Variants in MOXD1 observed in about 807,000 individuals in gnomAD.
The protein encoded by MOXD1 is monooxygenase DBH like 1, also known as DBH-like monooxygenase protein 1.
In MOXD1, 62 loss-of-function variants were observed where a neutral mutation model predicts 66.6. The ratio of observed to expected loss-of-function variants is 0.93; its 90% confidence interval spans 0.76 to 1.15. The LOEUF is 1.15. MOXD1 is among the 50% of genes most tolerant of loss of function. MOXD1 has a pLI of 0.00. For synonymous variants in MOXD1, 303 were observed against 281.9 expected, an observed-to-expected ratio of 1.07 and a Z score of -0.75; for missense variants, 847 against 754.6, an observed-to-expected ratio of 1.12 and a Z score of -1.44.
chr6:132,339,336 T>C (rs1775502547), intron 4 of MOXD1, among the ~76,000 whole-genome samples: 1 of 152,236 alleles, frequency 6.6e-6, no homozygotes, highest in African/African-American at 2.4e-5. Context: ...GATGTTCCTA[T>C]GAATGAATGT....
intron 4 of MOXD1, among the ~76,000 whole-genome samples, chr6:132,330,375 A>T (rs1457744990): frequency 6.6e-6 from 1 of 152,170 alleles, no homozygotes; most frequent in African/African-American, 2.4e-5. Flanking sequence ...TGTGCATGTG[A>T]GAGATCTAGG....
intron 4 of MOXD1, among the ~76,000 whole-genome samples, chr6:132,331,043 A>G (rs1218743789): frequency 6.6e-6 from 1 of 152,142 alleles, no homozygotes; most frequent in Non-Finnish European, 1.5e-5. Context: ...AAACTTTTCT[A>G]TTTTGCTTGA....
intron 4 of MOXD1, among the ~76,000 whole-genome samples, chr6:132,356,013 C>T (rs1024441844): frequency 6.6e-6 from 1 of 152,164 alleles, no homozygotes; most frequent in Non-Finnish European, 1.5e-5. Context: ...TGTCTACCTA[C>T]AAAAAATTCA....
chr6:132,314,052 A>G (rs918726379), intron 10 of MOXD1, among the ~76,000 whole-genome samples: 2 of 152,242 alleles, frequency 1.3e-5, no homozygotes, highest in African/African-American at 4.8e-5. Flanking sequence ...AAATTCAGCC[A>G]TCCCCAAATT....
Position 132,391,246 on chromosome 6 carries a change from A to G in MOXD1, c.264+9917T>C, listed in dbSNP as rs1776754514. The G allele has an allele frequency of 1.4e-5, 2 of 147,816 alleles. 1 individual carries two copies. The highest frequency in any genetic ancestry group is 3.1e-5 in the Non-Finnish European group (2 of 65,522). The allele number at this position is 147,816 out of a possible 1,614,324, so 9.2% of individuals were successfully genotyped here. A position where few individuals can be genotyped will look rare whatever the true frequency, so the allele number is the denominator to read the frequency against. On this transcript the variant is annotated intron_variant, in intron 1 of 11. Coordinates refer to ENST00000367963, the MANE Select transcript of MOXD1 (RefSeq NM_015529.4). ...AGCTCATAAAAGAAAGAATGGCGTC[A>G]AGATTTTCTCACAATGTTTGGCTAA...
chr6:132,349,766 GCATCCACAC>G (rs1279660192), intron 4 of MOXD1, among the ~76,000 whole-genome samples: 1 of 151,376 alleles, frequency 6.6e-6, no homozygotes, highest in Admixed American at 6.6e-5. Context: ...CCTGATCACC[GCATCCACAC>G]CAACATCTCC....
At chr6:132,345,258 C>T (rs1424858504) in intron 4 of MOXD1, among the ~76,000 whole-genome samples, 1 of 152,144 alleles carries the variant, frequency 6.6e-6, no homozygotes, top group African/African-American at 2.4e-5. Context: ...AAAATACTAT[C>T]ATGTTGTTGG....
chr6:132,332,803 A>G (rs575294778), intron 4 of MOXD1, among the ~76,000 whole-genome samples: 1 of 152,324 alleles, frequency 6.6e-6, no homozygotes, highest in South Asian at 2.1e-4. Context: ...CATTTTAAGC[A>G]GTCAACAAAC....
intron 1 of MOXD1, among the ~76,000 whole-genome samples, chr6:132,383,684 T>A (rs1364838671): frequency 6.6e-6 from 1 of 152,228 alleles, no homozygotes; most frequent in Non-Finnish European, 1.5e-5. Flanking sequence ...TTTGGAATAA[T>A]ATATTTCAGT....
At chr6:132,299,504 CA>C (rs1282565656) in intron 10 of MOXD1, among the ~76,000 whole-genome samples, 40 of 152,152 alleles carry the variant, frequency 2.6e-4, no homozygotes, top group African/African-American at 8.9e-4. Context: ...CCTGCCACTC[CA>C]AAAATCACAT....
chr6:132,300,515 ACAC>A (rs1377957335), intron 10 of MOXD1, among the ~76,000 whole-genome samples: 3 of 152,150 alleles, frequency 2.0e-5, no homozygotes, highest in Non-Finnish European at 4.4e-5. Flanking sequence ...ACCATCTGAA[ACAC>A]CACAAGGTGG....
At chr6:132,370,445 A>G (rs1776242343) in intron 4 of MOXD1, among the ~76,000 whole-genome samples, 1 of 151,990 alleles carries the variant, frequency 6.6e-6, no homozygotes, top group South Asian at 2.1e-4. Flanking sequence ...AGTTTTCTTT[A>G]TTTTTTGAAT....
intron 10 of MOXD1, among the ~76,000 whole-genome samples, chr6:132,313,949 C>T (rs1774886137): frequency 6.6e-6 from 1 of 151,864 alleles, no homozygotes; most frequent in Non-Finnish European, 1.5e-5. Context: ...AACAAAACCT[C>T]TATGTGTATA....
At chr6:132,382,561 G>A (rs151246344) in intron 1 of MOXD1, among the ~76,000 whole-genome samples, 8 of 152,118 alleles carry the variant, frequency 5.3e-5, no homozygotes, top group Middle Eastern at 3.4e-3. Flanking sequence ...AAAATTACTT[G>A]TTACACCTGA....
At chr6:132,396,328 T>A (rs969464043) in intron 1 of MOXD1, among the ~76,000 whole-genome samples, 2 of 151,344 alleles carry the variant, frequency 1.3e-5, no homozygotes, top group Non-Finnish European at 3.0e-5. Context: ...GAAAAAAAAA[T>A]TCTGAAATAA....
chr6:132,297,042 G>A lies in MOXD1; in HGVS notation c.*111C>T, dbSNP rs1774417020. The A allele has an allele frequency of 4.6e-6, 5 of 1,097,638 alleles. No individual in the cohort carries two copies. The South Asian group carries it at 5.4e-5, about 12-fold the overall frequency. The allele number at this position is 1,097,638 out of a possible 1,614,324, so 68.0% of individuals were successfully genotyped here. On this transcript the variant is annotated 3_prime_UTR_variant, in exon 12 of 12. Transcript: ENST00000367963. The stretch of plus-strand genomic sequence containing the variant: ...GGAAAAAGGAGGGAGGGAAAATGGG[G>A]AAGAAAAGTCTCCACACTCTTCATG...
At chr6:132,347,284 A>C (rs755565340) in intron 4 of MOXD1, among the ~76,000 whole-genome samples, 2 of 152,214 alleles carry the variant, frequency 1.3e-5, no homozygotes, top group Non-Finnish European at 2.9e-5. Flanking sequence ...TTATCTGTAC[A>C]GGATACAGTG....
intron 1 of MOXD1, among the ~76,000 whole-genome samples, chr6:132,399,038 C>A (rs1776962176): frequency 6.6e-6 from 1 of 150,860 alleles, no homozygotes; most frequent in Non-Finnish European, 1.5e-5. Flanking sequence ...TAAATAGTTT[C>A]TAGAGAGGAG....
chr6:132,377,558 C>G (rs534721105), intron 1 of MOXD1, among the ~76,000 whole-genome samples: 8 of 152,184 alleles, frequency 5.3e-5, no homozygotes, highest in African/African-American at 7.2e-5. Context: ...CTTTTTCTGG[C>G]TTTTCAGATA....
Sources: allele counts gnomAD v4.1 joint callset (sites outside exome capture counted in the v4.1 genomes callset), GRCh38; gene constraint gnomAD v4.1.1; transcripts MANE v1.5; gene names NCBI Gene and HGNC (gene_info 2026-07-23, HGNC 2026-07-21).